Variants in TG observed in about 807,000 individuals in gnomAD.
TG encodes thyroglobulin.
Under a neutral mutation model 324.7 loss-of-function variants are expected in TG, and 270 were observed. That is an observed-to-expected ratio of 0.83 (90% CI 0.75 to 0.92). The LOEUF (loss-of-function observed/expected upper bound fraction) is 0.92. Ranked by LOEUF, TG falls within the 40% of genes least tolerant of loss-of-function variation. TG has a pLI of 0.00. For missense variants in TG, 3,591 were observed against 3,456.4 expected (o/e 1.04, Z -0.98); for synonymous variants, 1,401 against 1,327.0 (o/e 1.06, Z -1.21).
chr8:132,900,248 T>C lies in TG; in HGVS notation c.3342T>C (p.Tyr1114=). The C allele has an allele frequency of 1.2e-6, 2 of 1,613,932 alleles. No homozygotes were observed. The highest frequency in any genetic ancestry group is 1.7e-6 in the Non-Finnish European group (2 of 1,179,982). The change falls in exon 15 of 48, where the codon TAT becomes TAC. Residue 1114 remains tyrosine, a synonymous_variant. Coordinates refer to ENST00000220616, the MANE Select transcript of TG (RefSeq NM_003235.5). ...FVPACLETGE[Y]ARLQASGAGT... is the part of the protein sequence containing the mutation. Reference sequence around the variant, plus strand: ...CGGCTTTGTCTCAGACAGGAGAGTATGCCAGGCTGCAGGCATCGGGGGCTG... The same window carrying C: ...CGGCTTTGTCTCAGACAGGAGAGTACGCCAGGCTGCAGGCATCGGGGGCTG...
intron 20 of TG, among the ~76,000 whole-genome samples, chr8:132,915,994 C>T (rs3958178): frequency 2.6e-5 from 4 of 152,154 alleles, no homozygotes; most frequent in African/African-American, 9.7e-5. Context: ...TTTTGATATT[C>T]GTGTGGCCTT....
At chr8:133,051,547 G>A (rs893793247) in intron 41 of TG, among the ~76,000 whole-genome samples, 1 of 152,134 alleles carries the variant, frequency 6.6e-6, no homozygotes, top group Non-Finnish European at 1.5e-5. Flanking sequence ...ATTTAATAGG[G>A]ACATTTGTTG....
At chr8:133,007,787 T>A (rs1371690777) in intron 35 of TG, among the ~76,000 whole-genome samples, 1 of 150,104 alleles carries the variant, frequency 6.7e-6, no homozygotes, top group East Asian at 1.9e-4. Context: ...TTTTTTTTTT[T>A]AAGGAAAGTA....
intron 16 of TG, among the ~76,000 whole-genome samples, chr8:132,904,878 A>T (rs1211078344): frequency 1.3e-5 from 2 of 152,346 alleles, no homozygotes; most frequent in South Asian, 2.1e-4. Flanking sequence ...CTATGTACAC[A>T]CATGCATCTA....
At chr8:132,961,699 C>G (rs1396977941) in intron 28 of TG, among the ~76,000 whole-genome samples, 1 of 152,144 alleles carries the variant, frequency 6.6e-6, no homozygotes, top group Non-Finnish European at 1.5e-5. Flanking sequence ...GTTCCGGCCT[C>G]AGGAGGGAGC....
chr8:133,119,741 G>T (rs777117097), intron 45 of TG, among the ~76,000 whole-genome samples: 1 of 152,158 alleles, frequency 6.6e-6, no homozygotes, highest in African/African-American at 2.4e-5. Context: ...GAGGTTCAAG[G>T]AGTTCAACAT....
intron 40 of TG, among the ~76,000 whole-genome samples, chr8:133,027,877 A>T (rs1001230000): frequency 6.6e-6 from 1 of 152,240 alleles, no homozygotes; most frequent in Non-Finnish European, 1.5e-5. Flanking sequence ...TGGACCAGAC[A>T]TGTTGGACCG....
intron 10 of TG, among the ~76,000 whole-genome samples, chr8:132,891,072 C>T (rs1026439002): frequency 2.0e-5 from 3 of 152,068 alleles, no homozygotes; most frequent in Admixed American, 6.6e-5. Context: ...GAGGTATGTA[C>T]GTGGAAAATG....
chr8:133,094,144 C>A (rs1028862349), intron 41 of TG, among the ~76,000 whole-genome samples: 2 of 152,110 alleles, frequency 1.3e-5, no homozygotes, highest in Admixed American at 6.5e-5. Context: ...TCCTCCCAGG[C>A]GGATGACCCA....
chr8:133,063,941 A>G (rs1842738969), intron 41 of TG, among the ~76,000 whole-genome samples: 1 of 152,242 alleles, frequency 6.6e-6, no homozygotes, highest in African/African-American at 2.4e-5. Flanking sequence ...GCAGTGGCTG[A>G]AGGTGGGAGA....
intron 41 of TG, among the ~76,000 whole-genome samples, chr8:133,067,817 G>A (rs992168665): frequency 2.0e-5 from 3 of 149,112 alleles, no homozygotes; most frequent in African/African-American, 5.0e-5. Context: ...AGAAAGGAAG[G>A]AAGGAAGGGG....
At chr8:132,925,856 A>G (rs1174360929) in intron 22 of TG, among the ~76,000 whole-genome samples, 1 of 152,192 alleles carries the variant, frequency 6.6e-6, no homozygotes, top group Non-Finnish European at 1.5e-5. Flanking sequence ...TATTCTGCCC[A>G]GTGTTCAGGG....
chr8:133,059,925 C>T (rs1006197), intron 41 of TG, among the ~76,000 whole-genome samples: 28,534 of 152,256 alleles, frequency 0.19, 2,939 homozygotes, highest in Non-Finnish European at 0.23. Flanking sequence ...CAATTCTTTT[C>T]GTCTTTTAAT....
intron 44 of TG, among the ~76,000 whole-genome samples, chr8:133,114,679 A>T (rs1271607812): frequency 2.6e-5 from 4 of 152,070 alleles, no homozygotes; most frequent in African/African-American, 4.8e-5. Context: ...GTGGGATGCG[A>T]GTGCTTTTTA....
chr8:132,957,768 C>CACACACACACAG (rs1554680148), intron 27 of TG, among the ~76,000 whole-genome samples: 26 of 145,012 alleles, frequency 1.8e-4, no homozygotes, highest in African/African-American at 6.8e-4. Context: ...CACACACACA[C>CACACACACACAG]ACACACACAC....
chr8:132,877,079 C>T (rs1343836788), intron 5 of TG, among the ~76,000 whole-genome samples: 2 of 152,186 alleles, frequency 1.3e-5, no homozygotes, highest in Admixed American at 6.5e-5. Context: ...ATTACAGACA[C>T]CTGTGGTGGT....
chr8:133,019,050 G>C (rs1835320556), intron 38 of TG, among the ~76,000 whole-genome samples: 1 of 152,258 alleles, frequency 6.6e-6, no homozygotes, highest in South Asian at 2.1e-4. Context: ...ATAGGTTTGA[G>C]TGGAGAGTAG....
rs558146403 is a variant in TG, at chr8:132,919,504, G to A, written c.4507G>A (p.Gly1503Arg). Reference sequence around the variant, plus strand: ...TGTGGGCAGAACGACCATTTCTGCTGGAGCTTTCAGCCAGACTCACTGTAA... The same window carrying A: ...TGTGGGCAGAACGACCATTTCTGCTAGAGCTTTCAGCCAGACTCACTGTAA... The part of the protein sequence containing the change: ...CPVGRTTISA[G>R]AFSQTHCVTD... The change falls in exon 21 of 48, where the codon GGA becomes AGA. Residue 1503 changes from glycine to arginine, a missense_variant. Coordinates refer to ENST00000220616, the MANE Select transcript of TG (RefSeq NM_003235.5). 2.8e-5 allele frequency: 45 copies of A among 1,613,680 alleles called. No individual in the cohort carries two copies. The highest frequency in any genetic ancestry group is 3.6e-5 in the Non-Finnish European group (43 of 1,179,814).
At chr8:133,031,641 G>A (rs765210268) in intron 41 of TG, among the ~76,000 whole-genome samples, 5 of 152,146 alleles carry the variant, frequency 3.3e-5, no homozygotes, top group Admixed American at 6.5e-5. Flanking sequence ...CCAAACTCTT[G>A]ATCCTAGGAG....
Sources: allele counts gnomAD v4.1 joint callset (sites outside exome capture counted in the v4.1 genomes callset), GRCh38; gene constraint gnomAD v4.1.1; transcripts MANE v1.5; gene names NCBI Gene and HGNC (gene_info 2026-07-23, HGNC 2026-07-21).